ZC3H4: variants seen among roughly 807,000 people sequenced by gnomAD.
ZC3H4 encodes zinc finger CCCH domain-containing protein 4.
A neutral mutation model predicts 108.3 loss-of-function variants in ZC3H4; 13 were observed. The ratio of observed to expected loss-of-function variants is 0.12; its 90% confidence interval spans 0.08 to 0.19. The LOEUF (loss-of-function observed/expected upper bound fraction) is 0.19, where lower values mean the gene tolerates loss of function less well. Among genes scored for constraint, ZC3H4 ranks in the 10% least tolerant of loss-of-function variants. The probability of loss-of-function intolerance (pLI) is 1.00; values close to 1 mark genes in which losing one functional copy is unlikely to be tolerated. For synonymous variants in ZC3H4, 917 were observed against 749.6 expected (o/e 1.22, Z -3.65); for missense variants, 1,734 against 1,838.8 (o/e 0.94, Z 1.04).
In ZC3H4 at chr19:47,084,540, G is replaced by T. The variant is rs368940025; in HGVS notation, c.1108-85C>A. On this transcript the variant is annotated intron_variant, in intron 8 of 14. Transcript: ENST00000253048. Reference sequence around the variant, plus strand: ...GGGGTTAATAAGAAGCACGGGAGAAGGGGATGAGGGGTCCCTTCAGATCTC... The same window carrying T: ...GGGGTTAATAAGAAGCACGGGAGAATGGGATGAGGGGTCCCTTCAGATCTC... 3.9e-5 allele frequency: 51 copies of T among 1,296,572 alleles called. No homozygotes were observed. In the East Asian group the frequency reaches 9.8e-4, roughly 25 times the overall value. 80.3% of individuals were successfully genotyped at this position (1,296,572 alleles called of 1,614,324 possible). A position where few individuals can be genotyped will look rare whatever the true frequency, so the allele number is the denominator to read the frequency against.
intron 2 of ZC3H4, among the ~76,000 whole-genome samples, chr19:47,095,056 T>A (rs759391926): frequency 6.6e-6 from 1 of 152,190 alleles, no homozygotes; most frequent in Non-Finnish European, 1.5e-5. Context: ...AAACCTTGCT[T>A]GACCACAGAA....
At chr19:47,104,044 C>T (rs980054736) in intron 2 of ZC3H4, among the ~76,000 whole-genome samples, 5 of 152,114 alleles carry the variant, frequency 3.3e-5, no homozygotes, top group East Asian at 1.9e-4. Flanking sequence ...CTTAGCCAGG[C>T]GCAGTGGCTC....
In ZC3H4 at chr19:47,066,398, A is replaced by C. The variant is rs765035218; in HGVS notation, c.3870T>G (p.Val1290=). The change falls in exon 15 of 15, where the codon GTT becomes GTG. Residue 1290 remains valine, a synonymous_variant. Transcript: ENST00000253048. Reference sequence around the variant, plus strand: ...AGGCCGTGGGGTCGAAGCCTTTAAAAACATCCTTCAGGGATGCCGCATCCT... The same window carrying C: ...AGGCCGTGGGGTCGAAGCCTTTAAACACATCCTTCAGGGATGCCGCATCCT... ...GEQDAASLKD[V]FKGFDPTASP... is the part of the protein sequence containing the mutation. The C allele has an allele frequency of 1.3e-6, 2 of 1,570,984 alleles. No individual in the cohort carries two copies. The highest frequency in any genetic ancestry group is 1.7e-6 in the Non-Finnish European group (2 of 1,161,258).
intron 13 of ZC3H4, 112 bp downstream of exon 13, chr19:47,071,666 A>T: frequency 8.9e-7 from 1 of 1,125,194 alleles, no homozygotes; most frequent in Non-Finnish European, 1.2e-6. Flanking sequence ...ACAGAGATGG[A>T]GTCATGCTTT....
At chr19:47,071,653 G>A (rs910303205) in intron 13 of ZC3H4, 125 bp downstream of exon 13, 66 of 1,004,020 alleles carry the variant, frequency 6.6e-5, no homozygotes, top group Middle Eastern at 3.2e-4. Flanking sequence ...ACCATTAAAT[G>A]GGACAGAGAT....
In ZC3H4 at chr19:47,066,146, T is replaced by G. The variant is rs2057189604; in HGVS notation, c.*210A>C. On this transcript the variant is annotated 3_prime_UTR_variant, in exon 15 of 15. Transcript: ENST00000253048. Reference sequence around the variant, plus strand: ...GCAGGAGCCCCTGAGCCCGCCACACTGACCAGAACTTAAGATGGTTATATA... The same window carrying G: ...GCAGGAGCCCCTGAGCCCGCCACACGGACCAGAACTTAAGATGGTTATATA... The G allele has an allele frequency of 2.3e-6, 1 of 438,048 alleles. No individual in the cohort carries two copies. Among genetic ancestry groups the G allele is most frequent in the African/African-American group, 2.0e-5 (1 of 48,808 alleles). The allele number at this position is 438,048 out of a possible 1,614,324, so 27.1% of individuals were successfully genotyped here. A position where few individuals can be genotyped will look rare whatever the true frequency, so the allele number is the denominator to read the frequency against.
At chr19:47,074,856 A>G (rs1222529287) in intron 11 of ZC3H4, among the ~76,000 whole-genome samples, 1 of 152,174 alleles carries the variant, frequency 6.6e-6, no homozygotes, top group Non-Finnish European at 1.5e-5. Context: ...AGGCGCCCTC[A>G]TGTACTCATT....
rs1310550310 is a variant in ZC3H4 at position 47,067,488 on chromosome 19, T to C, written c.2780A>G (p.Glu927Gly). 1.3e-6 allele frequency: 2 copies of C among 1,581,222 alleles called. No individual in the cohort carries two copies. The highest frequency in any genetic ancestry group is 8.6e-7 in the Non-Finnish European group (1 of 1,162,178). ...GSGPPPTEEEEGERALREKAV... is the reference protein window; with the variant it reads ...GSGPPPTEEEGGERALREKAV... ...CTTCTCCCGCAGGGCCCGCTCCCCT[T>C]CCTCCTCCTCCGTTGGGGGCGGCCC... is the stretch of plus-strand genomic sequence containing the variant. The change falls in exon 15 of 15, where the codon GAA (glutamate) becomes GGA (glycine). Residue 927 changes from glutamate to glycine, a missense_variant. Coordinates refer to ENST00000253048, the MANE Select transcript of ZC3H4 (RefSeq NM_015168.2). This position sits in a 1 kb window ranked among gnomAD's most constrained non-coding sequence, Gnocchi z 6.4.
chr19:47,074,691 T>C (rs532148598), intron 11 of ZC3H4, among the ~76,000 whole-genome samples: 3 of 152,350 alleles, frequency 2.0e-5, no homozygotes, highest in African/African-American at 7.2e-5. Context: ...TTTTGGTCCA[T>C]GCTGGGCAGA....
intron 13 of ZC3H4, 63 bp from the exon 14 acceptor site, chr19:47,069,406 C>T: frequency 6.4e-7 from 1 of 1,554,644 alleles, no homozygotes. Context: ...ACTCCAGCCC[C>T]CCTGCCCCTC....
intron 4 of ZC3H4, among the ~76,000 whole-genome samples, chr19:47,092,847 T>TAAACAAAC (rs541273381): frequency 2.0e-5 from 3 of 150,048 alleles, no homozygotes; most frequent in African/African-American, 7.4e-5. Context: ...AATAAATAAA[T>TAAACAAAC]AAACAAACAA....
chr19:47,078,746 G>T (rs2057466605), intron 11 of ZC3H4, among the ~76,000 whole-genome samples: 1 of 152,028 alleles, frequency 6.6e-6, no homozygotes. Flanking sequence ...TGTAATCCCA[G>T]CTACTCAGGA....
In ZC3H4 at chr19:47,089,950, G is replaced by T. The variant is rs753882691; in HGVS notation, c.715+17C>A. The T allele has an allele frequency of 2.0e-5, 32 of 1,613,486 alleles. No individual in the cohort carries two copies. The Middle Eastern group carries it at 5.0e-4, about 25-fold the overall frequency. On this transcript the variant is annotated intron_variant, in intron 5 of 14. Coordinates refer to ENST00000253048, the MANE Select transcript of ZC3H4 (RefSeq NM_015168.2). ...GCTCCGATGCCCCAGAGGAGAAACT[G>T]TAAGGGCAGGGCTCACCTCGGCCGC... is the stretch of plus-strand genomic sequence containing the variant.
Position 47,072,729 on chromosome 19 carries a change from A to G in ZC3H4, c.1441-16T>C. ...CGGCCAACATCTGCGGGTGTGAAAG[A>G]ACAAAAGAAGGTGTGGACGGGGTCA... On this transcript the variant is annotated splice_polypyrimidine_tract_variant and intron_variant, in intron 11 of 14. Transcript: ENST00000253048. The surrounding 1 kb of genome is among the most constrained non-coding windows in gnomAD (Gnocchi z 5.6). 1.2e-6 allele frequency: 2 copies of G among 1,612,714 alleles called. No homozygotes were observed. The highest frequency in any genetic ancestry group is 1.7e-6 in the Non-Finnish European group (2 of 1,179,920).
At chr19:47,083,130 C>T (rs995428911) in intron 9 of ZC3H4, among the ~76,000 whole-genome samples, 2 of 151,750 alleles carry the variant, frequency 1.3e-5, no homozygotes, top group African/African-American at 4.8e-5. Flanking sequence ...CTGCAACCTC[C>T]ACCACCCAGG....
chr19:47,069,845 C>G (rs2057294814), intron 13 of ZC3H4, among the ~76,000 whole-genome samples: 1 of 152,200 alleles, frequency 6.6e-6, no homozygotes, highest in African/African-American at 2.4e-5. Flanking sequence ...GGGTCAAGTG[C>G]TGCTCTGGCC....
intron 4 of ZC3H4, among the ~76,000 whole-genome samples, chr19:47,090,776 G>A (rs1293136804): frequency 6.6e-6 from 1 of 152,150 alleles, no homozygotes; most frequent in Non-Finnish European, 1.5e-5. Context: ...TGTGTATTGG[G>A]CAAAACCCAG....
chr19:47,106,694 G>A (rs2057972510), intron 2 of ZC3H4, among the ~76,000 whole-genome samples: 1 of 152,204 alleles, frequency 6.6e-6, no homozygotes, highest in African/African-American at 2.4e-5. Context: ...AAGGGAATAC[G>A]AAGCCTGGTA....
At chr19:47,070,137 G>A (rs150399868) in intron 13 of ZC3H4, among the ~76,000 whole-genome samples, 523 of 152,130 alleles carry the variant, frequency 3.4e-3, no homozygotes, top group Non-Finnish European at 4.6e-3. Context: ...GAAACGGAGG[G>A]GGGGGCGTCT....
Sources: gnomAD v4.1 joint callset for allele counts (sites outside exome capture counted in the v4.1 genomes callset) on GRCh38, gnomAD v4.1.1 for gene constraint, Gnocchi (gnomAD v3.1) non-coding constraint, MANE v1.5 for transcripts, NCBI Gene and HGNC (gene_info 2026-07-23, HGNC 2026-07-21) for gene names.